Variants in RALGPS2 observed in about 807,000 individuals in gnomAD.
RALGPS2 encodes Ral GEF with PH domain and SH3 binding motif 2.
Under a neutral mutation model 86.8 loss-of-function variants are expected in RALGPS2, and 43 were observed. The ratio of observed to expected loss-of-function variants is 0.50; its 90% CI spans 0.39 to 0.64. RALGPS2 has a LOEUF of 0.64. Ranked by LOEUF, RALGPS2 falls within the 30% of genes least tolerant of loss-of-function variation. RALGPS2 has a pLI of 0.00. For synonymous variants in RALGPS2, 243 were observed against 231.3 expected (o/e 1.05, Z -0.46); for missense variants, 536 against 694.6 (o/e 0.77, Z 2.57).
chr1:178,774,560 A>G (rs1180619750), intron 1 of RALGPS2, among the ~76,000 whole-genome samples: 3 of 152,364 alleles, frequency 2.0e-5, no homozygotes, highest in Middle Eastern at 3.4e-3. Flanking sequence ...ACTGAGTGCT[A>G]TGTTCAAAGA....
intron 2 of RALGPS2, among the ~76,000 whole-genome samples, chr1:178,783,777 C>T (rs114453070): frequency 1.0e-3 from 158 of 152,090 alleles, no homozygotes; most frequent in African/African-American, 3.7e-3. Context: ...ATGGCACAGA[C>T]GAAGTGGAAA....
chr1:178,824,948 C>T (rs1480335383), intron 7 of RALGPS2, among the ~76,000 whole-genome samples: 1 of 152,050 alleles, frequency 6.6e-6, no homozygotes, highest in Non-Finnish European at 1.5e-5. Flanking sequence ...TTTCCTCAGA[C>T]ATAAAAAAGC....
In RALGPS2 at chr1:178,921,129, T is replaced by C. The variant is rs553634750; in HGVS notation, c.*4770T>C. On this transcript the variant is annotated 3_prime_UTR_variant, in exon 20 of 20. Coordinates refer to ENST00000367635, the MANE Select transcript of RALGPS2 (RefSeq NM_152663.5). Reference sequence around the variant, plus strand: ...GCTAGTATGTTCCAGAGTAGGCAAGTAGTCATTCAAGCCAAATGAAAGAGT... The same window carrying C: ...GCTAGTATGTTCCAGAGTAGGCAAGCAGTCATTCAAGCCAAATGAAAGAGT... The C allele has an allele frequency of 2.0e-5, 3 of 152,132 alleles. No individual in the cohort carries two copies. The East Asian group carries it at 5.8e-4, about 29-fold the overall frequency. 9.4% of individuals were successfully genotyped at this position (152,132 alleles called of 1,614,324 possible). A position where few individuals can be genotyped will look rare whatever the true frequency, so the allele number is the denominator to read the frequency against.
At position 178,744,538 on chromosome 1, in the gene RALGPS2, G is replaced by T. The variant is rs547748128; in HGVS notation, c.-84+19119G>T. ...CAAGAAAAAGAAATAAGCTGGGTTT[G>T]GTGGCTCATGCCTGTAATGCCAGCA... On this transcript the variant is annotated intron_variant, in intron 1 of 19. Transcript: ENST00000367635. Among the ~76,000 whole-genome samples the T allele has an allele frequency of 2.5e-3, 380 of 152,252 alleles. 1 individual carries two copies. Among genetic ancestry groups the T allele is most frequent in the African/African-American group, 8.8e-3 (364 of 41,538 alleles).
intron 1 of RALGPS2, among the ~76,000 whole-genome samples, chr1:178,773,234 C>T (rs1227739242): frequency 6.6e-6 from 1 of 152,092 alleles, no homozygotes; most frequent in African/African-American, 2.4e-5. Flanking sequence ...CTCAGCTACT[C>T]AGAAAGCTGA....
At chr1:178,834,872 A>C (rs2102252236) in intron 8 of RALGPS2, among the ~76,000 whole-genome samples, 1 of 152,170 alleles carries the variant, frequency 6.6e-6, no homozygotes, top group Middle Eastern at 3.4e-3. Flanking sequence ...CTGCCTTCCA[A>C]GTTCAAGTGA....
At chr1:178,904,542 A>G (rs1660313526) in intron 18 of RALGPS2, among the ~76,000 whole-genome samples, 1 of 152,172 alleles carries the variant, frequency 6.6e-6, no homozygotes, top group Admixed American at 6.5e-5. Context: ...GTGAGAGATG[A>G]GGATCCAGTT....
intron 1 of RALGPS2, among the ~76,000 whole-genome samples, chr1:178,729,236 A>G (rs1337517844): frequency 2.0e-5 from 3 of 152,098 alleles, no homozygotes; most frequent in African/African-American, 7.2e-5. Flanking sequence ...ATTAAATAGC[A>G]TCCCCCATCA....
chr1:178,843,891 CAGTTT>C (rs1051768166), intron 8 of RALGPS2, among the ~76,000 whole-genome samples: 1 of 152,092 alleles, frequency 6.6e-6, no homozygotes, highest in Non-Finnish European at 1.5e-5. Flanking sequence ...TTTTATGACT[CAGTTT>C]AGTTCGTTTC....
chr1:178,734,653 A>C (rs2102008991), intron 1 of RALGPS2, among the ~76,000 whole-genome samples: 1 of 152,362 alleles, frequency 6.6e-6, no homozygotes, highest in Admixed American at 6.5e-5. Context: ...GGATATACCA[A>C]GTATTTGTAT....
intron 7 of RALGPS2, among the ~76,000 whole-genome samples, chr1:178,822,094 G>A (rs1210800769): frequency 6.6e-6 from 1 of 152,050 alleles, no homozygotes; most frequent in Non-Finnish European, 1.5e-5. Context: ...AAATTTTACT[G>A]ATTTCAATTT....
At chr1:178,893,055 C>G (rs1281356300) in intron 15 of RALGPS2, among the ~76,000 whole-genome samples, 1 of 152,052 alleles carries the variant, frequency 6.6e-6, no homozygotes, top group Non-Finnish European at 1.5e-5. Flanking sequence ...TAAATAATCA[C>G]AAAGGAATAA....
chr1:178,744,650 C>A (rs1039776247), intron 1 of RALGPS2, among the ~76,000 whole-genome samples: 7 of 151,658 alleles, frequency 4.6e-5, no homozygotes, highest in Non-Finnish European at 1.0e-4. Context: ...CCCGTCTCTA[C>A]TAATAATACA....
intron 8 of RALGPS2, among the ~76,000 whole-genome samples, chr1:178,861,921 G>A (rs1658043108): frequency 6.6e-6 from 1 of 152,136 alleles, no homozygotes; most frequent in African/African-American, 2.4e-5. Context: ...TGCCCAGGCT[G>A]GAGTGCAGTG....
chr1:178,759,251 G>A (rs1652109564), intron 1 of RALGPS2, among the ~76,000 whole-genome samples: 1 of 152,126 alleles, frequency 6.6e-6, no homozygotes. Flanking sequence ...TTTTGTATAA[G>A]GTGAGAGTTA....
At chr1:178,727,630 T>A (rs987714562) in intron 1 of RALGPS2, among the ~76,000 whole-genome samples, 4 of 152,236 alleles carry the variant, frequency 2.6e-5, no homozygotes, top group Admixed American at 2.0e-4. Flanking sequence ...GTGTGTGTTT[T>A]TAAATACCTG....
intron 12 of RALGPS2, chr1:178,885,765 T>C: frequency 2.5e-6 from 1 of 393,764 alleles, no homozygotes; most frequent in Non-Finnish European, 4.4e-6. Context: ...AAAATGAAAT[T>C]ATTTTAAAGT....
chr1:178,821,783 T>G, intron 7 of RALGPS2, 79 bp downstream of exon 7: 1 of 1,089,998 alleles, frequency 9.2e-7, no homozygotes, highest in Non-Finnish European at 1.4e-6. Flanking sequence ...TTGTAATTCT[T>G]ATTAAAGTTA....
intron 1 of RALGPS2, among the ~76,000 whole-genome samples, chr1:178,744,495 C>G (rs1309311517): frequency 6.6e-6 from 1 of 152,110 alleles, no homozygotes; most frequent in Non-Finnish European, 1.5e-5. Context: ...ACTGGAGGTT[C>G]ATTGCAGCCA....
Sources: allele counts gnomAD v4.1 joint callset (sites outside exome capture counted in the v4.1 genomes callset), GRCh38; gene constraint gnomAD v4.1.1; transcripts MANE v1.5; gene names NCBI Gene and HGNC (gene_info 2026-07-23, HGNC 2026-07-21).